TNXB: variants seen among roughly 807,000 people sequenced by gnomAD.
The protein encoded by TNXB is tenascin-X.
Under a neutral mutation model 340.5 loss-of-function variants are expected in TNXB, and 183 were observed. That is an observed-to-expected ratio of 0.54 (90% confidence interval 0.48 to 0.61). The LOEUF is 0.61. Among genes scored for constraint, TNXB ranks in the 20% least tolerant of loss-of-function variants. TNXB has a pLI of 0.00. For missense variants in TNXB, 4,613 were observed against 5,446.4 expected, an observed-to-expected ratio of 0.85 and a Z score of 4.82; for synonymous variants, 2,121 against 2,314.5, an observed-to-expected ratio of 0.92 and a Z score of 2.40.
chr6:32,104,463 T>A (rs1780879001), intron 1 of TNXB, among the ~76,000 whole-genome samples: 1 of 152,144 alleles, frequency 6.6e-6, no homozygotes, highest in South Asian at 2.1e-4. Context: ...TCATCCAGCT[T>A]TACAAGCCAG....
At chr6:32,078,715 C>A (rs1779254506) in intron 11 of TNXB, 2 of 365,246 alleles carry the variant, frequency 5.5e-6, no homozygotes, top group Admixed American at 9.4e-5. Context: ...ATTCTCACAG[C>A]AGACACTGGC....
chr6:32,071,877 G>C (rs2151918803), intron 13 of TNXB, 113 bp downstream of exon 13: 1 of 961,720 alleles, frequency 1.0e-6, no homozygotes, highest in East Asian at 2.6e-5. Flanking sequence ...AGCCCCATGT[G>C]GCTTTTCAAA....
chr6:32,076,843 G>C (rs1238407512), intron 11 of TNXB, among the ~76,000 whole-genome samples: 1 of 152,170 alleles, frequency 6.6e-6, no homozygotes, highest in South Asian at 2.1e-4. Context: ...TTAGCCGGGT[G>C]TGGTGGTGGG....
Position 32,053,479 on chromosome 6 carries a change from T to C in TNXB, c.8700A>G (p.Ser2900=), listed in dbSNP as rs1777423444. 7 of 1,613,386 alleles carry C rather than the reference T, an allele frequency of 4.3e-6. No individual in the cohort carries two copies. The highest frequency in any genetic ancestry group is 5.9e-6 in the Non-Finnish European group (7 of 1,179,862). The change falls in exon 25 of 44, where the codon TCA becomes TCG. Residue 2900 remains serine, a synonymous_variant. Coordinates refer to ENST00000644971, the MANE Select transcript of TNXB (RefSeq NM_001365276.2). ...VPGHEDGVTI[S]GLEPDHKYKM... ...TGTACTTGTGGTCTGGCTCCAGGCC[T>C]GAGATGGTGACCCCGTCCTCGTGCC...
At chr6:32,098,987 G>A (rs934433912) in intron 1 of TNXB, among the ~76,000 whole-genome samples, 4 of 152,150 alleles carry the variant, frequency 2.6e-5, no homozygotes, top group Non-Finnish European at 5.9e-5. Flanking sequence ...ATTTACTGCT[G>A]CCTGAGTTAT....
At chr6:32,102,195 A>C (rs1241668555) in intron 1 of TNXB, among the ~76,000 whole-genome samples, 2 of 152,208 alleles carry the variant, frequency 1.3e-5, no homozygotes, top group East Asian at 3.9e-4. Context: ...CATCTGTTGC[A>C]AGTGGGAGCA....
chr6:32,088,950 C>T lies in TNXB; in HGVS notation c.2614G>A (p.Val872Met). Reference protein sequence around the residue: ...RPQAEVDRFVVSYVSAGNQRV... With the variant: ...RPQAEVDRFVMSYVSAGNQRV... ...TGGTTGCCGGCACTGACGTAGGACA[C>T]CACAAATCGGTCCACCTCAGCCTGG... Residue 872 changes from valine (V) to methionine (M), a missense_variant, in exon 6 of 44, where the codon GTG becomes ATG. Around this residue, in one of 7 missense-constraint regions of TNXB, gnomAD observed 4,327 missense variants for 4,859.4 expected, o/e 0.89. Coordinates refer to ENST00000644971, the MANE Select transcript of TNXB (RefSeq NM_001365276.2). The T allele has an allele frequency of 1.2e-6, 2 of 1,608,644 alleles. No homozygotes were observed. Among genetic ancestry groups the T allele is most frequent in the South Asian group, 1.1e-5 (1 of 89,952 alleles).
rs12524441 is a variant in TNXB, at chr6:32,056,457, G to A, written c.8143+129C>T. On this transcript the variant is annotated intron_variant, in intron 23 of 43. Coordinates refer to ENST00000644971, the MANE Select transcript of TNXB (RefSeq NM_001365276.2). ...GTCAGCCTCAGAGGAAGGCCCAAGGGGAGCCCCAGCCACAAGCAGGTCTGT... is the reference window on the plus strand; with the variant it reads ...GTCAGCCTCAGAGGAAGGCCCAAGGAGAGCCCCAGCCACAAGCAGGTCTGT... 20,542 of 1,460,144 alleles carry A rather than the reference G, an allele frequency of 0.014. 184 individuals carry two copies. Among genetic ancestry groups the A allele is most frequent in the South Asian group, 0.017 (1,274 of 74,650 alleles). The allele number at this position is 1,460,144 out of a possible 1,614,324, so 90.4% of individuals were successfully genotyped here. A position where few individuals can be genotyped will look rare whatever the true frequency, so the allele number is the denominator to read the frequency against.
At position 32,084,546 on chromosome 6, in the gene TNXB, CT is replaced by C; in HGVS notation, c.3311del (p.Gln1104ArgfsTer64). The C allele has an allele frequency of 6.2e-7, 1 of 1,608,966 alleles. No individual in the cohort carries two copies. The highest frequency in any genetic ancestry group is 8.5e-7 in the Non-Finnish European group (1 of 1,178,708). ...IQYKDRDGQP[Q>X]VVPVEGPQRS... ...GCTGGGGTCCTTCCACGGGCACCAC[CT>C]GGGGCTGCCCGTCCCTGTCTTTGTA... is the stretch of plus-strand genomic sequence containing the variant. On this transcript the variant is annotated frameshift_variant, in exon 8 of 44. Coordinates refer to ENST00000644971, the MANE Select transcript of TNXB (RefSeq NM_001365276.2). LOFTEE classifies it high-confidence loss of function. This position sits in a 1 kb window ranked among gnomAD's most constrained non-coding sequence, Gnocchi z 5.5.
In TNXB at chr6:32,041,679, A is replaced by G. The variant is rs3128757; in HGVS notation, c.12633+92T>C. ...CATGATTGTTCCATTTCACCCAGCC[A>G]CTCAGTCCCTTGCCTGTTACACTGT... On this transcript the variant is annotated intron_variant, in intron 43 of 43. Coordinates refer to ENST00000644971, the MANE Select transcript of TNXB (RefSeq NM_001365276.2). The G allele has an allele frequency of 0.16, 177,617 of 1,112,634 alleles. 32,540 individuals carry two copies. Among genetic ancestry groups the G allele is most frequent in the Admixed American group, 0.28 (12,835 of 45,838 alleles). 68.9% of individuals were successfully genotyped at this position (1,112,634 alleles called of 1,614,324 possible). A position where few individuals can be genotyped will look rare whatever the true frequency, so the allele number is the denominator to read the frequency against.
chr6:32,048,444 G>A lies in TNXB; in HGVS notation c.9964C>T (p.Pro3322Ser), dbSNP rs1226714972. 3 of 1,579,296 alleles carry A rather than the reference G, an allele frequency of 1.9e-6. No individual in the cohort carries two copies. The highest frequency in any genetic ancestry group is 1.7e-6 in the Non-Finnish European group (2 of 1,161,678). Reference protein sequence around the residue: ...LRAVAVSGLDPARKYKFLLFG... With the variant: ...LRAVAVSGLDSARKYKFLLFG... ...AGCAGGAACTTGTACTTGCGGGCCG[G>A]GTCCAGCCCCGAGACGGCGACCGCT... Residue 3322 changes from proline to serine, a missense_variant, in exon 29 of 44, where the codon CCG becomes TCG. This residue lies in a region of TNXB where 4,327 missense variants were observed against 4,859.4 expected (regional missense o/e 0.89). Coordinates refer to ENST00000644971, the MANE Select transcript of TNXB (RefSeq NM_001365276.2).
chr6:32,069,609 A>T lies in TNXB; in HGVS notation c.5531T>A (p.Leu1844His), dbSNP rs902693068. Reference sequence around the variant, plus strand: ...ACGCTTGCCGTGGTGCAGCCCGTAGAGCAGCAGCTTGTACCTGTGGGCAGG... The same window carrying T: ...ACGCTTGCCGTGGTGCAGCCCGTAGTGCAGCAGCTTGTACCTGTGGGCAGG... Reference protein sequence around the residue: ...LDPAHRYKLLLYGLHHGKRVG... With the variant: ...LDPAHRYKLLHYGLHHGKRVG... Residue 1844 changes from leucine to histidine, a missense_variant, in exon 15 of 44, where the codon CTC becomes CAC. Physicochemically the swap from Leu to His is moderately conservative, Grantham distance 99. Around this residue, in one of 7 missense-constraint regions of TNXB, gnomAD observed 4,327 missense variants for 4,859.4 expected, o/e 0.89. Transcript: ENST00000644971. This position sits in a 1 kb window ranked among gnomAD's most constrained non-coding sequence, Gnocchi z 6.2. 1 of 1,607,182 alleles carries T rather than the reference A, an allele frequency of 6.2e-7. No homozygotes were observed.
rs562149472 is a variant in TNXB, at chr6:32,074,120, G to C, written c.4376-168C>G. 6.6e-6 allele frequency among the ~76,000 whole-genome samples: 1 copy of C among 152,162 alleles called. No individual in the cohort carries two copies. Among genetic ancestry groups the C allele is most frequent in the Admixed American group, 6.5e-5 (1 of 15,282 alleles). On this transcript the variant is annotated intron_variant, in intron 11 of 43. Transcript: ENST00000644971. This position sits in a 1 kb window ranked among gnomAD's most constrained non-coding sequence, Gnocchi z 5.5. The stretch of plus-strand genomic sequence containing the variant: ...CAGCCTCTGCCTCCCGGGTTCAAGC[G>C]ATCCTCCTGCCTTAGCCTCCCAAGT...
chr6:32,079,123 C>T lies in TNXB; in HGVS notation c.4285G>A (p.Gly1429Ser), dbSNP rs760597086. The change falls in exon 11 of 44, where the codon GGC (glycine) becomes AGC (serine). Residue 1429 changes from glycine to serine, a missense_variant. By Grantham distance (56) the Gly-to-Ser change is moderately conservative (BLOSUM62 0). This residue lies in a region of TNXB where 4,327 missense variants were observed against 4,859.4 expected (regional missense o/e 0.89). Transcript: ENST00000644971. The surrounding 1 kb of genome is among the most constrained non-coding windows in gnomAD (Gnocchi z 7.1). ...GGKESEVTVGGLEPGHKYKMH... is the reference protein window; with the variant it reads ...GGKESEVTVGSLEPGHKYKMH... ...TTGTACTTGTGCCCGGGCTCTAGGC[C>T]TCCCACGGTGACCTCACTCTCCTTG... The T allele has an allele frequency of 6.2e-7, 1 of 1,613,858 alleles. No individual in the cohort carries two copies. Among genetic ancestry groups the T allele is most frequent in the Non-Finnish European group, 8.5e-7 (1 of 1,179,900 alleles).
chr6:32,047,083 G>A lies in TNXB; in HGVS notation c.10325-627C>T, dbSNP rs955374136. 2.6e-5 allele frequency among the ~76,000 whole-genome samples: 4 copies of A among 152,242 alleles called. No individual in the cohort carries two copies. The highest frequency in any genetic ancestry group is 9.6e-5 in the African/African-American group (4 of 41,474). On this transcript the variant is annotated intron_variant, in intron 30 of 43. Transcript: ENST00000644971. The surrounding 1 kb of genome is among the most constrained non-coding windows in gnomAD (Gnocchi z 6.2). Reference sequence around the variant, plus strand: ...GGGCAGAGCAGAGGCTTGCCCGGGTGGGGCTGGGGCCGATGGGTGGGGATC... The same window carrying A: ...GGGCAGAGCAGAGGCTTGCCCGGGTAGGGCTGGGGCCGATGGGTGGGGATC...
At chr6:32,042,887 G>A in intron 38 of TNXB, 56 bp from the exon 39 acceptor site, 2 of 421,374 alleles carry the variant, frequency 4.7e-6, no homozygotes, top group South Asian at 4.3e-5. Context: ...CCTCCGGGAG[G>A]GCCAGAGGCA....
chr6:32,052,507 G>A lies in TNXB; in HGVS notation c.9115+163C>T, dbSNP rs1424538477. Among the ~76,000 whole-genome samples the A allele has an allele frequency of 6.6e-6, 1 of 151,908 alleles. No homozygotes were observed. The highest frequency in any genetic ancestry group is 2.4e-5 in the African/African-American group (1 of 41,350). On this transcript the variant is annotated intron_variant, in intron 26 of 43. Transcript: ENST00000644971. The surrounding 1 kb of genome is among the most constrained non-coding windows in gnomAD (Gnocchi z 4.7). The stretch of plus-strand genomic sequence containing the variant: ...AGAAATGCATGGTCTCTTGCCCTAG[G>A]CCAAGCCTGCTGAATCCAAATCTGC...
In TNXB at chr6:32,084,366, C is replaced by A. The variant is rs1008028323; in HGVS notation, c.3445+47G>T. 5 of 1,496,214 alleles carry A rather than the reference C, an allele frequency of 3.3e-6. No homozygotes were observed. The African/African-American group carries it at 5.6e-5, about 17-fold the overall frequency. The allele number at this position is 1,496,214 out of a possible 1,614,324, so 92.7% of individuals were successfully genotyped here. A position where few individuals can be genotyped will look rare whatever the true frequency, so the allele number is the denominator to read the frequency against. On this transcript the variant is annotated intron_variant, in intron 8 of 43. Transcript: ENST00000644971. This position sits in a 1 kb window ranked among gnomAD's most constrained non-coding sequence, Gnocchi z 5.5. ...GCAGGTTCCCAAAGCACTGAGAAAA[C>A]CTCTTCAGGGCAGTACAGAGGGCAG...
At position 32,096,855 on chromosome 6, in the gene TNXB, G is replaced by T. The variant is rs1482889641; in HGVS notation, c.998C>A (p.Thr333Asn). The T allele has an allele frequency of 6.8e-6, 11 of 1,606,826 alleles. No homozygotes were observed. Among genetic ancestry groups the T allele is most frequent in the Non-Finnish European group, 6.8e-6 (8 of 1,177,240 alleles). ...GCTCCGCGTACCACAGTCCTCGCCAGTGTAGCCGGGGTCACACACGCAGCG... is the reference window on the plus strand; with the variant it reads ...GCTCCGCGTACCACAGTCCTCGCCATTGTAGCCGGGGTCACACACGCAGCG... ...DGRCVCDPGY[T>N]GEDCGTRSCP... Residue 333 changes from threonine to asparagine, a missense_variant, in exon 3 of 44, where the codon ACT becomes AAT. Thr to Asn is a moderately conservative substitution (Grantham distance 65). Transcript: ENST00000644971.
Sources: gnomAD v4.1 joint callset for allele counts (sites outside exome capture counted in the v4.1 genomes callset) on GRCh38, gnomAD v4.1.1 for gene constraint, gnomAD v4.1.1 regional missense constraint, Gnocchi (gnomAD v3.1) non-coding constraint, MANE v1.5 for transcripts, NCBI Gene and HGNC (gene_info 2026-07-23, HGNC 2026-07-21) for gene names.